The following NFATC2 variants were observed in gnomAD, a reference collection of about 807,000 sequenced individuals.
The protein encoded by NFATC2 is nuclear factor of activated T-cells, cytoplasmic 2.
NFATC2 carries 22 observed loss-of-function variants against 87.3 expected under a neutral mutation model. That is an observed-to-expected ratio of 0.25 (90% CI 0.18 to 0.36). The LOEUF (loss-of-function observed/expected upper bound fraction) is 0.36. Among genes scored for constraint, NFATC2 ranks in the 10% least tolerant of loss-of-function variants. NFATC2 has a pLI of 1.00. For synonymous variants in NFATC2, 565 were observed against 542.2 expected (o/e 1.04, Z -0.58); for missense variants, 1,149 against 1,259.1 (o/e 0.91, Z 1.32).
At chr20:51,549,066 A>C (rs1276913133) in intron 1 of NFATC2, among the ~76,000 whole-genome samples, 4 of 152,182 alleles carry the variant, frequency 2.6e-5, no homozygotes, top group African/African-American at 9.7e-5. Context: ...ACTGAGATGG[A>C]AGGATCGCTC....
At chr20:51,561,681 C>G (rs1010849676) in intron 1 of NFATC2, among the ~76,000 whole-genome samples, 9 of 148,230 alleles carry the variant, frequency 6.1e-5, no homozygotes, top group Middle Eastern at 3.4e-3. Flanking sequence ...ATTTATTTCA[C>G]TTAACTCTCG....
intron 9 of NFATC2, among the ~76,000 whole-genome samples, chr20:51,427,723 C>T (rs1982059379): frequency 6.6e-6 from 1 of 152,268 alleles, no homozygotes; most frequent in South Asian, 2.1e-4. Context: ...TCCCTCAGAC[C>T]TCCCCAGGTC....
rs772861578 is a variant in NFATC2 at position 51,523,802 on chromosome 20, C to T, written c.439G>A (p.Ala147Thr). Reference protein sequence around the residue: ...VEQPPLAGVAASPRFTLPVPG... With the variant: ...VEQPPLAGVATSPRFTLPVPG... The stretch of plus-strand genomic sequence containing the variant: ...ACGGGCAGGGTGAACCTCGGGCTGG[C>T]GGCCACCCCGGCCAGGGGCGGCTGC... The change falls in exon 2 of 11, where the codon GCC becomes ACC. Residue 147 changes from alanine (A) to threonine (T), a missense_variant. By Grantham distance (58) the Ala-to-Thr change is moderately conservative. Transcript: ENST00000371564. The surrounding 1 kb of genome is among the most constrained non-coding windows in gnomAD (Gnocchi z 6.9). 20 of 1,607,138 alleles carry T rather than the reference C, an allele frequency of 1.2e-5. No homozygotes were observed. The South Asian group carries it at 1.8e-4, about 14-fold the overall frequency.
chr20:51,532,457 G>A (rs942236969), intron 1 of NFATC2, among the ~76,000 whole-genome samples: 2 of 152,118 alleles, frequency 1.3e-5, no homozygotes, highest in South Asian at 4.2e-4. Context: ...CATTTCACTC[G>A]GGAGGTGGGC....
chr20:51,435,563 C>T, intron 7 of NFATC2, 143 bp downstream of exon 7: 1 of 923,846 alleles, frequency 1.1e-6, no homozygotes, highest in Non-Finnish European at 1.6e-6. Flanking sequence ...GTTGAACTCA[C>T]TCATTAATAT....
At chr20:51,457,334 G>A (rs12625064) in intron 5 of NFATC2, among the ~76,000 whole-genome samples, 12,077 of 152,264 alleles carry the variant, frequency 0.079, 703 homozygotes, top group East Asian at 0.19. Context: ...CTGAGTCATC[G>A]CTACTGGGCA....
chr20:51,467,738 T>C (rs889462523), intron 5 of NFATC2, among the ~76,000 whole-genome samples: 6 of 152,208 alleles, frequency 3.9e-5, no homozygotes, highest in African/African-American at 1.4e-4. Flanking sequence ...GGAACTCTCA[T>C]ACATCCTTGT....
At chr20:51,488,281 G>A (rs531532460) in intron 3 of NFATC2, among the ~76,000 whole-genome samples, 124 of 149,002 alleles carry the variant, frequency 8.3e-4, no homozygotes, top group Non-Finnish European at 1.6e-3. Flanking sequence ...ATGGTAACAT[G>A]TGGGATTATC....
intron 5 of NFATC2, among the ~76,000 whole-genome samples, chr20:51,458,209 C>A (rs1020842737): frequency 6.6e-6 from 1 of 152,184 alleles, no homozygotes; most frequent in African/African-American, 2.4e-5. Flanking sequence ...GTTTCTCAAC[C>A]TTGACACTAT....
chr20:51,405,610 C>G (rs1485183694), intron 9 of NFATC2, among the ~76,000 whole-genome samples: 2 of 152,144 alleles, frequency 1.3e-5, no homozygotes, highest in African/African-American at 4.8e-5. Context: ...TATCTTGAAA[C>G]CCGTGACATT....
chr20:51,542,211 C>T (rs559865355), intron 1 of NFATC2, among the ~76,000 whole-genome samples, 159 bp downstream of exon 1: 1 of 152,124 alleles, frequency 6.6e-6, no homozygotes, highest in Non-Finnish European at 1.5e-5. Flanking sequence ...GTGGCAGGGG[C>T]CACTGACGCC....
In NFATC2 at chr20:51,542,685, A is replaced by AGCGGCG. The variant is rs1002525576; in HGVS notation, c.-192_-187dup. 2.9e-6 allele frequency: 3 copies of AGCGGCG among 1,022,688 alleles called. No individual in the cohort carries two copies. The highest frequency in any genetic ancestry group is 1.3e-4 in the Admixed American group (2 of 15,890). The allele number at this position is 1,022,688 out of a possible 1,614,324, so 63.4% of individuals were successfully genotyped here. A position where few individuals can be genotyped will look rare whatever the true frequency, so the allele number is the denominator to read the frequency against. On this transcript the variant is annotated 5_prime_UTR_variant, in exon 1 of 11. Transcript: ENST00000371564. Reference sequence around the variant, plus strand: ...GTCCTGGACGCGCCCGGGGAAGCTGAGCGGCGGCGGCGACGGCGGCGCGAG... The same window carrying AGCGGCG: ...GTCCTGGACGCGCCCGGGGAAGCTGAGCGGCGGCGGCGGCGGCGACGGCGGCGCGAG...
intron 3 of NFATC2, among the ~76,000 whole-genome samples, chr20:51,489,751 G>T (rs1301532840): frequency 6.6e-6 from 1 of 152,204 alleles, no homozygotes. Context: ...CATGTACAAA[G>T]AGTCAGATGA....
At position 51,535,751 on chromosome 20, in the gene NFATC2, T is replaced by C. The variant is rs977740982; in HGVS notation, c.130+6619A>G. Among the ~76,000 whole-genome samples, 69 of 152,348 alleles carry C rather than the reference T, an allele frequency of 4.5e-4. 1 individual carries two copies. Among genetic ancestry groups the C allele is most frequent in the African/African-American group, 1.4e-3 (59 of 41,570 alleles). ...AGGCATTTCAGACTTGGGGTTTTTT[T>C]TCCCCCTCATTTAACATTCTCACTT... On this transcript the variant is annotated intron_variant, in intron 1 of 10. Transcript: ENST00000371564.
chr20:51,444,892 C>T (rs1244935028), intron 6 of NFATC2, among the ~76,000 whole-genome samples: 3 of 152,044 alleles, frequency 2.0e-5, no homozygotes, highest in Non-Finnish European at 4.4e-5. Flanking sequence ...GGTAACACTG[C>T]TCAAATGGAT....
At position 51,516,794 on chromosome 20, in the gene NFATC2, G is replaced by C. The variant is rs1395963680; in HGVS notation, c.1322C>G (p.Pro441Arg). ...GAVKAPTGGH[P>R]VVQLHGYMEN... ...CATTCAAGTCCATACCTGAACCACA[G>C]GGTGGCCTCCAGTTGGAGCTTTGAC... The change falls in exon 3 of 11, where the codon CCT (proline) becomes CGT (arginine). Residue 441 changes from proline to arginine, a missense_variant. This residue lies in a region of NFATC2 where 581 missense variants were observed against 649.7 expected (regional missense o/e 0.89). Transcript: ENST00000371564. 6.2e-7 allele frequency: 1 copy of C among 1,609,190 alleles called. No homozygotes were observed. The highest frequency in any genetic ancestry group is 1.3e-5 in the African/African-American group (1 of 74,774).
intron 6 of NFATC2, among the ~76,000 whole-genome samples, chr20:51,444,814 C>T (rs931689382): frequency 5.9e-5 from 9 of 152,156 alleles, no homozygotes; most frequent in African/African-American, 2.2e-4. Context: ...ATGAGCCCAG[C>T]AGACAGGGGT....
At chr20:51,416,452 C>A (rs80286316) in intron 9 of NFATC2, among the ~76,000 whole-genome samples, 2 of 152,162 alleles carry the variant, frequency 1.3e-5, no homozygotes, top group East Asian at 3.9e-4. Context: ...GCTGAAGGGG[C>A]TGCTCCCTCA....
intron 9 of NFATC2, among the ~76,000 whole-genome samples, chr20:51,424,202 C>T (rs1253802503): frequency 6.6e-6 from 1 of 152,188 alleles, no homozygotes; most frequent in Non-Finnish European, 1.5e-5. Flanking sequence ...CCTCTGTAGG[C>T]AACCACAGTT....
Sources: allele counts gnomAD v4.1 joint callset (sites outside exome capture counted in the v4.1 genomes callset), GRCh38; gene constraint gnomAD v4.1.1; regional missense constraint gnomAD v4.1.1; non-coding constraint Gnocchi (gnomAD v3.1); transcripts MANE v1.5; gene names NCBI Gene and HGNC (gene_info 2026-07-23, HGNC 2026-07-21).